The following P4HA1 variants were observed in gnomAD, a reference collection of about 807,000 sequenced individuals.
P4HA1 encodes the protein prolyl 4-hydroxylase subunit alpha 1, also known as prolyl 4-hydroxylase subunit alpha-1.
Under a neutral mutation model 72.8 loss-of-function variants are expected in P4HA1, and 24 were observed. That is an observed-to-expected ratio of 0.33 (90% confidence interval 0.24 to 0.46). The LOEUF is 0.46. Ranked by LOEUF, P4HA1 falls within the 20% of genes least tolerant of loss-of-function variation. The probability of loss-of-function intolerance (pLI) is 1.00; values close to 1 mark genes in which losing one functional copy is unlikely to be tolerated. For synonymous variants in P4HA1, 201 were observed against 218.8 expected (o/e 0.92, Z 0.72); for missense variants, 446 against 640.6 (o/e 0.70, Z 3.28).
chr10:73,067,884 G>A (rs1264987720), intron 5 of P4HA1, among the ~76,000 whole-genome samples: 1 of 152,126 alleles, frequency 6.6e-6, no homozygotes, highest in African/African-American at 2.4e-5. Context: ...CCCTAATGGC[G>A]AGGGTAGTGT....
In P4HA1 at chr10:73,018,363, GAGCAGTGGCTA is replaced by G. The variant is rs557742007; in HGVS notation, c.1249-1475_1249-1465del. Among the ~76,000 whole-genome samples, 24 of 152,324 alleles carry G rather than the reference GAGCAGTGGCTA, an allele frequency of 1.6e-4. No homozygotes were observed. In the South Asian group the frequency reaches 5.0e-3, roughly 32 times the overall value. On this transcript the variant is annotated intron_variant, in intron 10 of 14. Transcript: ENST00000394890. ...TAGTACCCAGAGACCCAGGGAAACA[GAGCAGTGGCTA>G]AGCTGAGAAATGTGCCCTGCAGGGC...
At chr10:73,025,688 T>C (rs1455819789) in intron 10 of P4HA1, among the ~76,000 whole-genome samples, 1 of 152,126 alleles carries the variant, frequency 6.6e-6, no homozygotes, top group Non-Finnish European at 1.5e-5. Flanking sequence ...TGTTTGCAGA[T>C]GACATGATTG....
At chr10:73,037,550 TATATATATA>T (rs1564624842) in intron 9 of P4HA1, among the ~76,000 whole-genome samples, 30 of 30,448 alleles carry the variant, frequency 9.9e-4, no homozygotes, top group African/African-American at 3.5e-3. Context: ...TATATATATA[TATATATATA>T]TATATATATA....
At chr10:73,060,565 C>T (rs926671333) in intron 5 of P4HA1, among the ~76,000 whole-genome samples, 9 of 152,090 alleles carry the variant, frequency 5.9e-5, no homozygotes, top group African/African-American at 2.2e-4. Context: ...GCCTGAGCAA[C>T]ATGGCAAGAA....
intron 5 of P4HA1, among the ~76,000 whole-genome samples, chr10:73,066,932 A>G (rs1841437627): frequency 6.6e-6 from 1 of 152,162 alleles, no homozygotes; most frequent in Admixed American, 6.5e-5. Context: ...TTTTTAAAAT[A>G]ACTTACCCAG....
intron 1 of P4HA1, among the ~76,000 whole-genome samples, chr10:73,093,887 TATATATATATATATATATATAC>T (rs1437370906): frequency 5.0e-4 from 36 of 72,494 alleles, no homozygotes; most frequent in Non-Finnish European, 7.1e-4. Context: ...TATATATATA[TATATATATATATATATATATAC>T]ACACACACAC....
chr10:73,058,528 T>C (rs550503127), intron 5 of P4HA1, among the ~76,000 whole-genome samples: 13 of 152,184 alleles, frequency 8.5e-5, no homozygotes, highest in Non-Finnish European at 1.6e-4. Context: ...ACTTAAGTCA[T>C]GGGTCTGGGG....
At chr10:73,009,937 T>C in intron 13 of P4HA1, 34 bp from the exon 14 acceptor site, 5 of 1,159,522 alleles carry the variant, frequency 4.3e-6, no homozygotes, top group Non-Finnish European at 6.5e-6. Context: ...TCCCCAAGTA[T>C]ACAATGCCAG....
At chr10:73,010,149 GTA>G (rs2133027097) in intron 13 of P4HA1, among the ~76,000 whole-genome samples, 1 of 152,090 alleles carries the variant, frequency 6.6e-6, no homozygotes, top group Non-Finnish European at 1.5e-5. Flanking sequence ...TGTATTTTTA[GTA>G]GAGACGGGCT....
chr10:73,082,260 C>G (rs979854721), intron 1 of P4HA1, among the ~76,000 whole-genome samples: 1 of 152,116 alleles, frequency 6.6e-6, no homozygotes, highest in Admixed American at 6.6e-5. Context: ...GACACAGCCC[C>G]ATAAGTCAAG....
Position 73,016,849 on chromosome 10 carries a change from T to A in P4HA1, c.1299A>T (p.Ala433=). ...GGQYEPHFDF[A]RKDEPDAFKE... ...TCTCCATTTCTTTTTCACTTACCCG[T>A]GCAAAGTCAAAATGGGGTTCATACT... The change falls in exon 11 of 15, where the codon GCA becomes GCT. Residue 433 remains alanine, a synonymous_variant. Coordinates refer to ENST00000394890, the MANE Select transcript of P4HA1 (RefSeq NM_001017962.3). The A allele has an allele frequency of 6.2e-7, 1 of 1,607,206 alleles. No individual in the cohort carries two copies. Among genetic ancestry groups the A allele is most frequent in the Admixed American group, 1.7e-5 (1 of 59,960 alleles).
intron 5 of P4HA1, among the ~76,000 whole-genome samples, chr10:73,056,406 C>A (rs1258903966): frequency 6.6e-6 from 1 of 151,880 alleles, no homozygotes; most frequent in East Asian, 1.9e-4. Flanking sequence ...CCGAGGCAGG[C>A]GGATCACCTG....
At chr10:73,052,323 T>G (rs1314953971) in intron 6 of P4HA1, among the ~76,000 whole-genome samples, 2 of 152,146 alleles carry the variant, frequency 1.3e-5, no homozygotes, top group Non-Finnish European at 1.5e-5. Context: ...TTCTTGTCCT[T>G]CAGAAACTGC....
At chr10:73,037,562 T>TA (rs1840621440) in intron 9 of P4HA1, among the ~76,000 whole-genome samples, 1 of 34,192 alleles carries the variant, frequency 2.9e-5, no homozygotes, top group Non-Finnish European at 5.2e-5. Flanking sequence ...TATATATATA[T>TA]ATATATATAT....
intron 10 of P4HA1, among the ~76,000 whole-genome samples, chr10:73,028,571 A>G (rs1840350422): frequency 6.6e-6 from 1 of 152,064 alleles, no homozygotes; most frequent in South Asian, 2.1e-4. Context: ...AGCTGGAATT[A>G]CAGTCATGTG....
chr10:73,019,020 G>A (rs1749985438), intron 10 of P4HA1, among the ~76,000 whole-genome samples: 1 of 151,704 alleles, frequency 6.6e-6, no homozygotes, highest in Admixed American at 6.6e-5. Context: ...GCAGCTGCTT[G>A]TAGGATATGT....
chr10:73,092,662 T>G (rs565318603), intron 1 of P4HA1, among the ~76,000 whole-genome samples: 32 of 147,636 alleles, frequency 2.2e-4, no homozygotes, highest in Non-Finnish European at 3.7e-4. Flanking sequence ...CTGGGCAACA[T>G]AGTAAGGCCC....
intron 9 of P4HA1, among the ~76,000 whole-genome samples, chr10:73,038,141 G>C (rs1001426727): frequency 6.6e-6 from 1 of 152,142 alleles, no homozygotes. Context: ...CGTAGCCCCA[G>C]TTACTCAGGA....
At chr10:73,094,477 G>C (rs779003456) in intron 1 of P4HA1, among the ~76,000 whole-genome samples, 1 of 152,300 alleles carries the variant, frequency 6.6e-6, no homozygotes, top group African/African-American at 2.4e-5. Flanking sequence ...CCTTTCATCA[G>C]ATTCTCAAAG....
Sources: gnomAD v4.1 joint callset for allele counts (sites outside exome capture counted in the v4.1 genomes callset) on GRCh38, gnomAD v4.1.1 for gene constraint, MANE v1.5 for transcripts, NCBI Gene and HGNC (gene_info 2026-07-23, HGNC 2026-07-21) for gene names.